Variants in B3GAT2 observed in about 807,000 individuals in gnomAD.
The protein encoded by B3GAT2 is beta-1,3-glucuronyltransferase 2.
A neutral mutation model predicts 27.8 loss-of-function variants in B3GAT2; 26 were observed. That is an observed-to-expected ratio of 0.93 (90% CI 0.68 to 1.30). The LOEUF (loss-of-function observed/expected upper bound fraction) is 1.30. Among genes scored for constraint, B3GAT2 ranks in the 50% most tolerant of loss-of-function variants. The pLI is 0.00. For synonymous variants in B3GAT2, 218 were observed against 195.1 expected, an observed-to-expected ratio of 1.12 and a Z score of -0.98; for missense variants, 458 against 459.0, an observed-to-expected ratio of 1.00 and a Z score of 0.02.
intron 1 of B3GAT2, among the ~76,000 whole-genome samples, chr6:70,928,816 T>C (rs1773008724): frequency 6.6e-6 from 1 of 152,064 alleles, no homozygotes; most frequent in African/African-American, 2.4e-5. Context: ...TCCTCAGGGA[T>C]CTAGAACTAG....
chr6:70,882,424 C>T (rs1190906011), intron 2 of B3GAT2, among the ~76,000 whole-genome samples: 2 of 152,084 alleles, frequency 1.3e-5, no homozygotes, highest in African/African-American at 4.8e-5. Context: ...AAGTGTGAAC[C>T]CGGGAGGTAG....
intron 2 of B3GAT2, among the ~76,000 whole-genome samples, chr6:70,864,071 T>C (rs2150021122): frequency 6.6e-6 from 1 of 151,302 alleles, no homozygotes; most frequent in African/African-American, 2.4e-5. Context: ...CTTTTTTTTT[T>C]TTTTTTTTTT....
In B3GAT2 at chr6:70,859,369, G is replaced by C; in HGVS notation, c.*2294C>G. ...GATGCTGTTCTCCAGCACTCCATCA[G>C]TGCAATCTACTGGCCAATGACAAGG... On this transcript the variant is annotated 3_prime_UTR_variant, in exon 4 of 4. Coordinates refer to ENST00000230053, the MANE Select transcript of B3GAT2 (RefSeq NM_080742.3). 6.5e-7 allele frequency: 1 copy of C among 1,549,212 alleles called. No individual in the cohort carries two copies. Among genetic ancestry groups the C allele is most frequent in the East Asian group, 2.4e-5 (1 of 40,876 alleles).
At chr6:70,884,642 A>T (rs1206545535) in intron 2 of B3GAT2, among the ~76,000 whole-genome samples, 2 of 152,210 alleles carry the variant, frequency 1.3e-5, no homozygotes, top group African/African-American at 4.8e-5. Flanking sequence ...GAAAATCAGG[A>T]AAAACTTCCC....
At chr6:70,905,291 T>C (rs1264219462) in intron 1 of B3GAT2, among the ~76,000 whole-genome samples, 2 of 152,174 alleles carry the variant, frequency 1.3e-5, no homozygotes, top group East Asian at 3.8e-4. Flanking sequence ...GAGCCACCAA[T>C]GTTAAAATGC....
chr6:70,885,680 AG>A (rs1250279985), intron 2 of B3GAT2, among the ~76,000 whole-genome samples: 91 of 152,332 alleles, frequency 6.0e-4, no homozygotes, highest in African/African-American at 2.1e-3. Flanking sequence ...AAGTGGGTGC[AG>A]ATTCAAATAT....
chr6:70,916,044 C>A (rs1772767642), intron 1 of B3GAT2, among the ~76,000 whole-genome samples: 1 of 152,226 alleles, frequency 6.6e-6, no homozygotes, highest in East Asian at 1.9e-4. Context: ...ATGGAATGTT[C>A]TTCCATTTGT....
intron 1 of B3GAT2, among the ~76,000 whole-genome samples, chr6:70,937,689 A>C (rs1765315532): frequency 6.6e-6 from 1 of 151,968 alleles, no homozygotes; most frequent in Admixed American, 6.6e-5. Flanking sequence ...AAGGCCTTTG[A>C]CAAAATTCAA....
intron 1 of B3GAT2, among the ~76,000 whole-genome samples, chr6:70,904,919 G>C (rs1314850221): frequency 6.6e-6 from 1 of 152,008 alleles, no homozygotes; most frequent in African/African-American, 2.4e-5. Context: ...GTCAAGTTTG[G>C]CATCACCATA....
At chr6:70,917,387 G>GTC (rs965920927) in intron 1 of B3GAT2, among the ~76,000 whole-genome samples, 22 of 151,818 alleles carry the variant, frequency 1.4e-4, no homozygotes, top group African/African-American at 2.9e-4. Context: ...GGTTTTTTGT[G>GTC]TCTCTCTCTC....
rs1462154454 is a variant in B3GAT2, at chr6:70,857,210, G to A, written c.*4453C>T. 1 of 512,118 alleles carries A rather than the reference G, an allele frequency of 2.0e-6. No individual in the cohort carries two copies. The highest frequency in any genetic ancestry group is 3.2e-6 in the Non-Finnish European group (1 of 313,274). 31.7% of individuals were successfully genotyped at this position (512,118 alleles called of 1,614,324 possible). On this transcript the variant is annotated 3_prime_UTR_variant, in exon 4 of 4. Transcript: ENST00000230053. ...TTAGAATTAAAAAATTAAGAGGCAT[G>A]TACAGGATTCACAGAACTTTATTTG...
At chr6:70,862,158 T>TA (rs1246698567) in intron 2 of B3GAT2, 180 bp from the exon 3 acceptor site, 1 of 611,316 alleles carries the variant, frequency 1.6e-6, no homozygotes. Flanking sequence ...AATCAGTCAT[T>TA]ACAATATTTT....
chr6:70,923,826 T>C (rs1772910400), intron 1 of B3GAT2, among the ~76,000 whole-genome samples: 1 of 152,208 alleles, frequency 6.6e-6, no homozygotes. Flanking sequence ...CTGAATGACA[T>C]TGTGGAATAT....
intron 1 of B3GAT2, among the ~76,000 whole-genome samples, chr6:70,947,915 G>T (rs1765518800): frequency 6.6e-6 from 1 of 152,044 alleles, no homozygotes; most frequent in South Asian, 2.1e-4. Context: ...GGGATGCAAG[G>T]CTGGTTCAAT....
chr6:70,956,519 T>G lies in B3GAT2; in HGVS notation c.-90A>C. 6.5e-7 allele frequency: 1 copy of G among 1,533,058 alleles called. No homozygotes were observed. The highest frequency in any genetic ancestry group is 1.4e-5 in the African/African-American group (1 of 72,846). 95.0% of individuals were successfully genotyped at this position (1,533,058 alleles called of 1,614,324 possible). A position where few individuals can be genotyped will look rare whatever the true frequency, so the allele number is the denominator to read the frequency against. Reference sequence around the variant, plus strand: ...GCTTGGACAGCGGCGGCGCCAGCACTTAGGGAGTGGTGATGGGTGCGCTGT... The same window carrying G: ...GCTTGGACAGCGGCGGCGCCAGCACGTAGGGAGTGGTGATGGGTGCGCTGT... On this transcript the variant is annotated 5_prime_UTR_variant, in exon 1 of 4. An upstream open reading frame in the 5' UTR loses its in-frame stop. Coordinates refer to ENST00000230053, the MANE Select transcript of B3GAT2 (RefSeq NM_080742.3).
At chr6:70,952,052 C>G (rs1295508702) in intron 1 of B3GAT2, among the ~76,000 whole-genome samples, 1 of 151,946 alleles carries the variant, frequency 6.6e-6, no homozygotes, top group Non-Finnish European at 1.5e-5. Flanking sequence ...CAGATTATGA[C>G]TCCAATAAGC....
intron 2 of B3GAT2, among the ~76,000 whole-genome samples, chr6:70,867,022 A>G (rs1227678710): frequency 6.6e-6 from 1 of 152,094 alleles, no homozygotes; most frequent in African/African-American, 2.4e-5. Context: ...AGATACCTGG[A>G]AAATATCCCA....
intron 2 of B3GAT2, among the ~76,000 whole-genome samples, chr6:70,886,381 G>A (rs1248973399): frequency 2.0e-5 from 3 of 152,206 alleles, no homozygotes; most frequent in Non-Finnish European, 4.4e-5. Context: ...CTTGGTAAAT[G>A]CTAAGCAAAC....
At chr6:70,921,261 T>C (rs1022408885) in intron 1 of B3GAT2, among the ~76,000 whole-genome samples, 3 of 152,208 alleles carry the variant, frequency 2.0e-5, no homozygotes, top group Middle Eastern at 6.3e-3. Flanking sequence ...CTCATATTTC[T>C]CAGTGGTTTT....
Sources: gnomAD v4.1 joint callset for allele counts (sites outside exome capture counted in the v4.1 genomes callset) on GRCh38, gnomAD v4.1.1 for gene constraint, MANE v1.5 for transcripts, NCBI Gene and HGNC (gene_info 2026-07-23, HGNC 2026-07-21) for gene names.